The following TASP1 variants were observed in gnomAD, a reference collection of about 807,000 sequenced individuals.
TASP1 encodes the protein taspase 1.
TASP1 carries 16 observed loss-of-function variants against 56.6 expected under a neutral mutation model. That is an observed-to-expected ratio of 0.28 (90% CI 0.19 to 0.43). TASP1 has a LOEUF of 0.43. Among genes scored for constraint, TASP1 ranks in the 20% least tolerant of loss-of-function variants. The pLI is 1.00. For synonymous variants in TASP1, 179 were observed against 184.2 expected, an observed-to-expected ratio of 0.97 and a Z score of 0.23; for missense variants, 393 against 511.6, an observed-to-expected ratio of 0.77 and a Z score of 2.24.
intron 11 of TASP1, among the ~76,000 whole-genome samples, chr20:13,456,095 A>G (rs2043822844): frequency 6.6e-6 from 1 of 152,142 alleles, no homozygotes; most frequent in Non-Finnish European, 1.5e-5. Context: ...AGGATCCAGA[A>G]GACAAAGCAC....
At chr20:13,351,553 T>C in the TASP1 span, among the ~76,000 whole-genome samples, 1 of 152,214 alleles carries the variant, frequency 6.6e-6, no homozygotes, top group Admixed American at 6.5e-5. Flanking sequence ...ACATATTATA[T>C]GATTCCATTT....
intron 4 of TASP1, among the ~76,000 whole-genome samples, chr20:13,612,185 C>CT (rs1555804265): frequency 6.6e-6 from 1 of 152,048 alleles, no homozygotes; most frequent in Non-Finnish European, 1.5e-5. Context: ...TGCAGTCTAC[C>CT]AAGTGTCAAC....
chr20:13,125,125 C>T, the TASP1 span, among the ~76,000 whole-genome samples: 2 of 152,198 alleles, frequency 1.3e-5, no homozygotes, highest in African/African-American at 4.8e-5. Flanking sequence ...TGGAGGGTCT[C>T]TGCCACCCAA....
chr20:13,400,042 A>G (rs973175088), intron 13 of TASP1, among the ~76,000 whole-genome samples: 1 of 152,062 alleles, frequency 6.6e-6, no homozygotes, highest in African/African-American at 2.4e-5. Context: ...GAATCCCTGT[A>G]CCTCCTAACC....
At chr20:13,340,869 CATT>C in the TASP1 span, among the ~76,000 whole-genome samples, 1 of 152,168 alleles carries the variant, frequency 6.6e-6, no homozygotes, top group African/African-American at 2.4e-5. Flanking sequence ...CCTTAGCTTT[CATT>C]ATCTCATTAA....
the TASP1 span, among the ~76,000 whole-genome samples, chr20:13,173,128 G>T: frequency 6.6e-6 from 1 of 152,168 alleles, no homozygotes; most frequent in African/African-American, 2.4e-5. Context: ...TATGATGATT[G>T]ACTTAACTCT....
At chr20:13,286,200 A>C in the TASP1 span, among the ~76,000 whole-genome samples, 2 of 152,066 alleles carry the variant, frequency 1.3e-5, no homozygotes, top group Non-Finnish European at 2.9e-5. Context: ...GTGAGTGCTC[A>C]TGTGCGTATG....
At chr20:13,210,016 C>G in the TASP1 span, among the ~76,000 whole-genome samples, 1 of 152,172 alleles carries the variant, frequency 6.6e-6, no homozygotes, top group Non-Finnish European at 1.5e-5. Flanking sequence ...ATACCCTTCC[C>G]ATAAGCAATA....
the TASP1 span, among the ~76,000 whole-genome samples, chr20:13,247,608 G>A: frequency 0.036 from 5,457 of 151,292 alleles, 171 homozygotes; most frequent in African/African-American, 0.077. Context: ...CATGAGGGAT[G>A]ATTATTTCTC....
rs139995825 is a variant in TASP1 at position 13,491,348 on chromosome 20, C to A, written c.875-8011G>T. Among the ~76,000 whole-genome samples, 25 of 152,190 alleles carry A rather than the reference C, an allele frequency of 1.6e-4. No individual in the cohort carries two copies. In the East Asian group the frequency reaches 4.6e-3, roughly 28 times the overall value. On this transcript the variant is annotated intron_variant, in intron 10 of 13. Transcript: ENST00000337743. ...TTTATTCTCCAACAGGTTTATTGCCCGACTTAAGATTACACTCCTGCGTTC... is the reference window on the plus strand; with the variant it reads ...TTTATTCTCCAACAGGTTTATTGCCAGACTTAAGATTACACTCCTGCGTTC...
At chr20:13,590,739 A>ATG (rs1240754295) in intron 4 of TASP1, among the ~76,000 whole-genome samples, 1 of 151,840 alleles carries the variant, frequency 6.6e-6, no homozygotes, top group Non-Finnish European at 1.5e-5. Context: ...GGTGGTGCTC[A>ATG]CCTGTAATCC....
chr20:13,295,324 C>T, the TASP1 span, among the ~76,000 whole-genome samples: 140 of 152,318 alleles, frequency 9.2e-4, no homozygotes, highest in African/African-American at 3.2e-3. Context: ...CACTCACAAA[C>T]TTTCCATGGC....
chr20:13,346,882 C>A, the TASP1 span, among the ~76,000 whole-genome samples: 1,516 of 152,308 alleles, frequency 1.0e-2, 24 homozygotes, highest in African/African-American at 0.035. Context: ...TATTAATTTG[C>A]CTTTAGGCAA....
At chr20:13,234,596 C>G in the TASP1 span, among the ~76,000 whole-genome samples, 5 of 152,216 alleles carry the variant, frequency 3.3e-5, no homozygotes, top group Non-Finnish European at 7.3e-5. Flanking sequence ...GCCCTTTTAG[C>G]CATGTCCTCG....
At chr20:13,459,446 C>G (rs2043971238) in intron 11 of TASP1, among the ~76,000 whole-genome samples, 1 of 152,078 alleles carries the variant, frequency 6.6e-6, no homozygotes, top group African/African-American at 2.4e-5. Flanking sequence ...CTGCTCTTGC[C>G]CCATCATACT....
intron 13 of TASP1, among the ~76,000 whole-genome samples, chr20:13,412,282 A>G (rs2042118039): frequency 6.6e-6 from 1 of 151,918 alleles, no homozygotes; most frequent in Non-Finnish European, 1.5e-5. Flanking sequence ...GTCTTTATAT[A>G]CCTCTGTGTT....
At chr20:13,637,080 G>T (rs2049337155) in intron 1 of TASP1, among the ~76,000 whole-genome samples, 1 of 152,132 alleles carries the variant, frequency 6.6e-6, no homozygotes, top group Admixed American at 6.5e-5. Context: ...ATTTAAAAAT[G>T]GGCAAAGGAA....
At chr20:13,220,270 A>C in the TASP1 span, among the ~76,000 whole-genome samples, 31 of 152,284 alleles carry the variant, frequency 2.0e-4, no homozygotes, top group African/African-American at 7.5e-4. Flanking sequence ...AGCAAGGTCA[A>C]GGAGGGAAGT....
downstream of TASP1, among the ~76,000 whole-genome samples, chr20:13,386,044 C>T (rs2041160751): frequency 6.6e-6 from 1 of 152,184 alleles, no homozygotes; most frequent in South Asian, 2.1e-4. Context: ...TGAGACCTTA[C>T]CACAGTGCTT....
Sources: gnomAD v4.1 joint callset for allele counts (sites outside exome capture counted in the v4.1 genomes callset) on GRCh38, gnomAD v4.1.1 for gene constraint, MANE v1.5 for transcripts, NCBI Gene and HGNC (gene_info 2026-07-23, HGNC 2026-07-21) for gene names.